Variants in FNBP1 observed in about 807,000 individuals in gnomAD.
The protein encoded by FNBP1 is formin binding protein 1.
A neutral mutation model predicts 90.6 loss-of-function variants in FNBP1; 26 were observed. The observed-to-expected ratio is 0.29, with a 90% CI of 0.21 to 0.40. The LOEUF (loss-of-function observed/expected upper bound fraction) is 0.40. Ranked by LOEUF, FNBP1 falls within the 10% of genes least tolerant of loss-of-function variation. The probability of loss-of-function intolerance (pLI) is 1.00; values close to 1 mark genes in which losing one functional copy is unlikely to be tolerated. For missense variants in FNBP1, 635 were observed against 768.0 expected, an observed-to-expected ratio of 0.83 and a Z score of 2.05; for synonymous variants, 260 against 265.2, an observed-to-expected ratio of 0.98 and a Z score of 0.19.
chr9:129,961,869 A>G (rs1214112911), intron 4 of FNBP1, among the ~76,000 whole-genome samples: 1 of 152,142 alleles, frequency 6.6e-6, no homozygotes, highest in African/African-American at 2.4e-5. Context: ...TACAGGCGTG[A>G]GCCACCGTGC....
chr9:130,025,567 T>C (rs2058260657), intron 1 of FNBP1, among the ~76,000 whole-genome samples: 3 of 152,202 alleles, frequency 2.0e-5, no homozygotes, highest in Non-Finnish European at 2.9e-5. Context: ...ACCAAATTCA[T>C]TGATCACGTC....
At chr9:130,048,574 G>A in the FNBP1 span, among the ~76,000 whole-genome samples, 2 of 143,912 alleles carry the variant, frequency 1.4e-5, no homozygotes, top group African/African-American at 2.6e-5. Context: ...CGTCTCCAGG[G>A]TTCACATCAT....
the FNBP1 span, among the ~76,000 whole-genome samples, chr9:130,049,526 C>G: frequency 6.6e-6 from 1 of 152,000 alleles, no homozygotes; most frequent in Admixed American, 6.6e-5. Context: ...CCAGCCTGGG[C>G]AACATGGCGA....
upstream of FNBP1, among the ~76,000 whole-genome samples, chr9:130,046,580 C>CAAAAAAA (rs56392821): frequency 1.4e-3 from 96 of 66,792 alleles, no homozygotes; most frequent in South Asian, 4.1e-3. Context: ...ACTAAAAATA[C>CAAAAAAA]AAAAAAAAAA....
chr9:130,005,023 G>A (rs905285025), intron 1 of FNBP1, among the ~76,000 whole-genome samples: 6 of 137,088 alleles, frequency 4.4e-5, no homozygotes, highest in African/African-American at 8.3e-5. Flanking sequence ...ATGAGATGGC[G>A]CCATTGCACT....
At chr9:129,972,102 T>A (rs1411907490) in intron 4 of FNBP1, among the ~76,000 whole-genome samples, 3 of 152,166 alleles carry the variant, frequency 2.0e-5, no homozygotes, top group Non-Finnish European at 4.4e-5. Flanking sequence ...CAGCTTCTTG[T>A]TTCCTATGCC....
At chr9:129,964,001 A>C (rs2048221070) in intron 4 of FNBP1, among the ~76,000 whole-genome samples, 1 of 152,142 alleles carries the variant, frequency 6.6e-6, no homozygotes, top group Admixed American at 6.6e-5. Context: ...TCCTTCAGGA[A>C]ATTAAGGGAG....
chr9:129,893,101 A>G (rs2035274719), intron 16 of FNBP1, among the ~76,000 whole-genome samples: 2 of 152,128 alleles, frequency 1.3e-5, no homozygotes, highest in Non-Finnish European at 2.9e-5. Context: ...CAGACTGGAA[A>G]TGAGTTTGTC....
intron 12 of FNBP1, among the ~76,000 whole-genome samples, chr9:129,905,969 T>C (rs1049460452): frequency 1.4e-4 from 21 of 151,808 alleles, no homozygotes; most frequent in African/African-American, 4.6e-4. Flanking sequence ...CTGCAACCTC[T>C]GCCTCCTGGG....
At chr9:130,016,965 G>A (rs1422721289) in intron 1 of FNBP1, among the ~76,000 whole-genome samples, 1 of 152,080 alleles carries the variant, frequency 6.6e-6, no homozygotes, top group East Asian at 1.9e-4. Flanking sequence ...ATGTCATTTG[G>A]CAGAGCAGGG....
At chr9:129,943,585 C>T (rs996604946) in intron 6 of FNBP1, among the ~76,000 whole-genome samples, 1 of 152,044 alleles carries the variant, frequency 6.6e-6, no homozygotes, top group Non-Finnish European at 1.5e-5. Flanking sequence ...TGCGGTTTCG[C>T]CATGTCAGCC....
chr9:129,964,269 G>C (rs1399454581), intron 4 of FNBP1, among the ~76,000 whole-genome samples: 1 of 152,112 alleles, frequency 6.6e-6, no homozygotes, highest in Admixed American at 6.5e-5. Flanking sequence ...TCCGGACAAA[G>C]ATAAAAAGTG....
chr9:130,007,239 CAA>C (rs72063140), intron 1 of FNBP1, among the ~76,000 whole-genome samples: 8 of 77,018 alleles, frequency 1.0e-4, no homozygotes, highest in African/African-American at 3.6e-4. Context: ...GAGATCCTGT[CAA>C]AAAAAAAAAA....
At chr9:130,013,628 A>C (rs1589262656) in intron 1 of FNBP1, 2 of 447,144 alleles carry the variant, frequency 4.5e-6, no homozygotes, top group East Asian at 1.4e-4. Context: ...CATGTGCACC[A>C]AGAGACATGC....
chr9:130,008,420 T>C (rs2056112317), intron 1 of FNBP1, among the ~76,000 whole-genome samples: 1 of 152,160 alleles, frequency 6.6e-6, no homozygotes, highest in Admixed American at 6.5e-5. Flanking sequence ...AGGTATGGTA[T>C]TGTCAAATAA....
intron 2 of FNBP1, among the ~76,000 whole-genome samples, chr9:129,987,995 A>C (rs772765764): frequency 4.5e-4 from 69 of 152,242 alleles, no homozygotes; most frequent in Non-Finnish European, 6.8e-4. Flanking sequence ...TGAATGGTTC[A>C]TTTTTTAAAA....
chr9:129,944,771 A>G (rs2044959144), intron 6 of FNBP1, among the ~76,000 whole-genome samples: 1 of 152,222 alleles, frequency 6.6e-6, no homozygotes, highest in African/African-American at 2.4e-5. Flanking sequence ...AGATGAAGTA[A>G]GTTGCCACAT....
intron 6 of FNBP1, among the ~76,000 whole-genome samples, chr9:129,935,278 C>T (rs1374905959): frequency 1.3e-5 from 2 of 151,648 alleles, no homozygotes; most frequent in African/African-American, 4.9e-5. Context: ...CATGATGAGG[C>T]ACCATATGCC....
chr9:129,899,923 G>A, intron 15 of FNBP1, 42 bp downstream of exon 15: 1 of 1,490,912 alleles, frequency 6.7e-7, no homozygotes, highest in Non-Finnish European at 9.0e-7. Context: ...AGATATTATG[G>A]TTTATAAAAG....
Sources: allele counts gnomAD v4.1 joint callset (sites outside exome capture counted in the v4.1 genomes callset), GRCh38; gene constraint gnomAD v4.1.1; transcripts MANE v1.5; gene names NCBI Gene and HGNC (gene_info 2026-07-23, HGNC 2026-07-21).